The following RBMS1 variants were observed in gnomAD, a reference collection of about 807,000 sequenced individuals.
RBMS1 encodes the protein RNA binding motif single stranded interacting protein 1.
RBMS1 carries 17 observed loss-of-function variants against 62.3 expected under a neutral mutation model. The observed-to-expected ratio is 0.27, with a 90% CI of 0.19 to 0.41. The LOEUF (loss-of-function observed/expected upper bound fraction) is 0.41. RBMS1 is among the 10% of genes least tolerant of loss of function. RBMS1 has a pLI of 1.00. For synonymous variants in RBMS1, 172 were observed against 170.0 expected (o/e 1.01, Z -0.09); for missense variants, 334 against 504.5 (o/e 0.66, Z 3.24).
intron 12 of RBMS1, among the ~76,000 whole-genome samples, chr2:160,276,339 T>TACCACC (rs373432177): frequency 0.016 from 2,396 of 150,828 alleles, 66 homozygotes; most frequent in African/African-American, 0.054. Context: ...AAAATACTAC[T>TACCACC]ACCACCACCA....
At chr2:160,461,793 T>C (rs1326339579) in intron 1 of RBMS1, among the ~76,000 whole-genome samples, 2 of 152,226 alleles carry the variant, frequency 1.3e-5, no homozygotes, top group Non-Finnish European at 2.9e-5. Context: ...ACATTTCCAG[T>C]AGAAAATAAT....
At chr2:160,352,655 T>C (rs753857957) in intron 2 of RBMS1, among the ~76,000 whole-genome samples, 12 of 152,140 alleles carry the variant, frequency 7.9e-5, no homozygotes, top group Non-Finnish European at 1.5e-4. Flanking sequence ...GGTATTCTTT[T>C]GGAAATTCAA....
At chr2:160,360,280 A>T (rs180977287) in intron 2 of RBMS1, among the ~76,000 whole-genome samples, 134 of 152,230 alleles carry the variant, frequency 8.8e-4, no homozygotes, top group Middle Eastern at 3.4e-3. Context: ...CTCCCAGTTA[A>T]TGCAACTAGA....
At chr2:160,333,937 A>G (rs1284536939) in intron 2 of RBMS1, among the ~76,000 whole-genome samples, 1 of 152,128 alleles carries the variant, frequency 6.6e-6, no homozygotes, top group Non-Finnish European at 1.5e-5. Flanking sequence ...TAAAAAAAAA[A>G]GAGATAAAAA....
Position 160,300,658 on chromosome 2 carries a change from T to G in RBMS1, c.633A>C (p.Gly211=), listed in dbSNP as rs1204228850. 2 of 1,600,216 alleles carry G rather than the reference T, an allele frequency of 1.2e-6. No homozygotes were observed. The highest frequency in any genetic ancestry group is 1.1e-5 in the South Asian group (1 of 87,336). The stretch of plus-strand genomic sequence containing the variant: ...TTCAGACAAACAACATACCAGAAAC[T>G]CCTGGTGGTGTCTTAATAAATTTTC... ...FNGKFIKTPP[G]VSAPTEPLLC... The change falls in exon 6 of 14, where the codon GGA becomes GGC. Residue 211 remains glycine (G), a synonymous_variant. Transcript: ENST00000348849.
At chr2:160,438,551 T>C (rs1022086705) in intron 1 of RBMS1, among the ~76,000 whole-genome samples, 3 of 152,312 alleles carry the variant, frequency 2.0e-5, no homozygotes, top group East Asian at 1.9e-4. Flanking sequence ...ACACAGCACA[T>C]GTTTCAGAGA....
rs563879493 is a variant in RBMS1, at chr2:160,408,033, C to T, written c.76-40642G>A. The T allele has an allele frequency of 1.7e-3, 1,106 of 642,958 alleles. 8 individuals are homozygous for T. In the African/African-American group the frequency reaches 0.018, roughly 10 times the overall value. 39.8% of individuals were successfully genotyped at this position (642,958 alleles called of 1,614,324 possible). On this transcript the variant is annotated intron_variant, in intron 1 of 13. Transcript: ENST00000348849. ...CCCCATCGCCCGCCCGGCCCCCGCG[C>T]TCTCCCTCCCGGGATCGGGGCCGGA... is the stretch of plus-strand genomic sequence containing the variant.
chr2:160,390,099 G>C (rs1361013277), intron 1 of RBMS1, among the ~76,000 whole-genome samples: 2 of 152,142 alleles, frequency 1.3e-5, no homozygotes, highest in Non-Finnish European at 2.9e-5. Flanking sequence ...TACCTTAATG[G>C]GTAGTGGTGC....
At chr2:160,424,909 TA>T (rs543339350) in intron 1 of RBMS1, among the ~76,000 whole-genome samples, 479 of 151,982 alleles carry the variant, frequency 3.2e-3, no homozygotes, top group African/African-American at 0.011. Context: ...TAAAAATCCT[TA>T]AAAAAAGACT....
intron 7 of RBMS1, among the ~76,000 whole-genome samples, chr2:160,285,311 T>C (rs1574213861): frequency 6.6e-6 from 1 of 152,242 alleles, no homozygotes; most frequent in Admixed American, 6.5e-5. Flanking sequence ...TAGTAGCATT[T>C]GATAAAATTG....
At chr2:160,336,671 T>C (rs1032276213) in intron 2 of RBMS1, among the ~76,000 whole-genome samples, 2 of 152,174 alleles carry the variant, frequency 1.3e-5, no homozygotes, top group Non-Finnish European at 2.9e-5. Flanking sequence ...GTAATGAATA[T>C]AAAAATATTG....
intron 1 of RBMS1, among the ~76,000 whole-genome samples, chr2:160,437,654 T>C (rs917182680): frequency 2.0e-5 from 3 of 152,246 alleles, no homozygotes; most frequent in Admixed American, 6.5e-5. Context: ...AAGGGTTTGA[T>C]GGACAATGTC....
intron 2 of RBMS1, among the ~76,000 whole-genome samples, chr2:160,331,180 C>T (rs776570742): frequency 1.3e-4 from 20 of 152,166 alleles, no homozygotes; most frequent in South Asian, 1.0e-3. Context: ...TTTAAGCTAC[C>T]CAGGTTGTGG....
chr2:160,336,392 G>A (rs116244609), intron 2 of RBMS1, among the ~76,000 whole-genome samples: 1,653 of 152,060 alleles, frequency 0.011, 40 homozygotes, highest in African/African-American at 0.036. Context: ...GTTTTTTAGC[G>A]GGGAGACAAC....
intron 6 of RBMS1, among the ~76,000 whole-genome samples, chr2:160,292,773 T>C (rs1044514700): frequency 1.3e-5 from 2 of 152,214 alleles, no homozygotes; most frequent in Non-Finnish European, 2.9e-5. Flanking sequence ...TCGATGGTGA[T>C]AATTGTTGTA....
chr2:160,395,206 C>T (rs1459110293), intron 1 of RBMS1, among the ~76,000 whole-genome samples: 3 of 152,150 alleles, frequency 2.0e-5, no homozygotes, highest in African/African-American at 7.2e-5. Flanking sequence ...GTAGTGTTTC[C>T]GAAGTTTCTT....
At chr2:160,325,152 CTG>C (rs905700418) in intron 2 of RBMS1, among the ~76,000 whole-genome samples, 6 of 152,110 alleles carry the variant, frequency 3.9e-5, no homozygotes, top group Admixed American at 1.3e-4. Flanking sequence ...CAACCACAGA[CTG>C]TGCCACAGAT....
intron 1 of RBMS1, among the ~76,000 whole-genome samples, chr2:160,439,827 C>T (rs901027938): frequency 3.3e-5 from 5 of 152,208 alleles, no homozygotes; most frequent in Admixed American, 6.5e-5. Context: ...CCGAGGCTGG[C>T]GGATCACTCG....
intron 2 of RBMS1, among the ~76,000 whole-genome samples, chr2:160,359,848 G>A (rs186759732): frequency 2.0e-5 from 3 of 152,290 alleles, no homozygotes; most frequent in Admixed American, 6.5e-5. Context: ...AGAAATCTTA[G>A]TATTACAGAG....
Sources: allele counts gnomAD v4.1 joint callset (sites outside exome capture counted in the v4.1 genomes callset), GRCh38; gene constraint gnomAD v4.1.1; transcripts MANE v1.5; gene names NCBI Gene and HGNC (gene_info 2026-07-23, HGNC 2026-07-21).